RASAL2: variants seen among roughly 807,000 people sequenced by gnomAD.
RASAL2 encodes RAS protein activator like 2.
Under a neutral mutation model 128.9 loss-of-function variants are expected in RASAL2, and 58 were observed. That is an observed-to-expected ratio of 0.45 (90% confidence interval 0.36 to 0.56). The LOEUF is 0.56. RASAL2 is among the 20% of genes least tolerant of loss of function. The probability of loss-of-function intolerance (pLI) is 0.00; values close to 1 mark genes in which losing one functional copy is unlikely to be tolerated. For synonymous variants in RASAL2, 561 were observed against 580.8 expected, an observed-to-expected ratio of 0.97 and a Z score of 0.49; for missense variants, 1,360 against 1,601.6, an observed-to-expected ratio of 0.85 and a Z score of 2.57.
intron 1 of RASAL2, among the ~76,000 whole-genome samples, chr1:178,179,719 G>A (rs921314708): frequency 6.6e-6 from 1 of 152,066 alleles, no homozygotes; most frequent in African/African-American, 2.4e-5. Flanking sequence ...GATAATAATG[G>A]CTACCACAAC....
intron 1 of RASAL2, among the ~76,000 whole-genome samples, chr1:178,188,426 G>C (rs1291952446): frequency 6.6e-6 from 1 of 151,986 alleles, no homozygotes; most frequent in African/African-American, 2.4e-5. Flanking sequence ...ACAGTCCTGT[G>C]CTCTGTTGTC....
rs1677628176 is a variant in RASAL2 at position 178,454,535 on chromosome 1, T to A, written c.2098T>A (p.Ser700Thr). The change falls in exon 12 of 18, where the codon TCT becomes ACT. Residue 700 changes from serine to threonine, a missense_variant. Physicochemically the swap from Ser to Thr is moderately conservative, Grantham distance 58. Coordinates refer to ENST00000367649, the MANE Select transcript of RASAL2 (RefSeq NM_170692.4). Reference protein sequence around the residue: ...GGMKRFLLEISNPDTISNTPG... With the variant: ...GGMKRFLLEITNPDTISNTPG... ...AATGAAGCGCTTTCTTTTGGAGATC[T>A]CTAATCCAGACACCATCTCAAACAC... 7 of 1,613,796 alleles carry A rather than the reference T, an allele frequency of 4.3e-6. No individual in the cohort carries two copies. Among genetic ancestry groups the A allele is most frequent in the Non-Finnish European group, 5.1e-6 (6 of 1,179,692 alleles).
At chr1:178,255,875 A>G (rs1482073311) in intron 1 of RASAL2, among the ~76,000 whole-genome samples, 3 of 152,226 alleles carry the variant, frequency 2.0e-5, no homozygotes, top group Non-Finnish European at 4.4e-5. Flanking sequence ...AAAGGATTAC[A>G]CAATCCAATC....
intron 1 of RASAL2, among the ~76,000 whole-genome samples, chr1:178,229,450 A>G (rs2102018860): frequency 6.6e-6 from 1 of 152,152 alleles, no homozygotes; most frequent in East Asian, 1.9e-4. Context: ...ACATTTTTGA[A>G]GCAAGGAGGA....
chr1:178,283,754 AG>A lies in RASAL2; in HGVS notation c.330+64del, dbSNP rs1666896637. On this transcript the variant is annotated intron_variant, in intron 2 of 17. Coordinates refer to ENST00000367649, the MANE Select transcript of RASAL2 (RefSeq NM_170692.4). ...TCTGAGTAAATTCCTGAAATTACCTAGTTTTTGTTTGCATTTTGAAAAGTTG... is the reference window on the plus strand; with the variant it reads ...TCTGAGTAAATTCCTGAAATTACCTATTTTTGTTTGCATTTTGAAAAGTTG... 7 of 1,585,702 alleles carry A rather than the reference AG, an allele frequency of 4.4e-6. No homozygotes were observed. In the Admixed American group the frequency reaches 1.0e-4, roughly 24 times the overall value.
chr1:178,119,571 TC>T (rs1473630515), intron 1 of RASAL2, among the ~76,000 whole-genome samples: 1 of 152,218 alleles, frequency 6.6e-6, no homozygotes, highest in Non-Finnish European at 1.5e-5. Flanking sequence ...AGTCACTCCA[TC>T]CTTGCATATA....
Position 178,470,948 on chromosome 1 carries a change from T to C in RASAL2, c.3679-2127T>C, listed in dbSNP as rs536267052. 2.2e-4 allele frequency among the ~76,000 whole-genome samples: 34 copies of C among 152,314 alleles called. 1 individual carries two copies. Among genetic ancestry groups the C allele is most frequent in the Admixed American group, 5.9e-4 (9 of 15,308 alleles). On this transcript the variant is annotated intron_variant, in intron 17 of 17. Coordinates refer to ENST00000367649, the MANE Select transcript of RASAL2 (RefSeq NM_170692.4). ...AAGTCTCTATTTGATTTTTTTTAAC[T>C]TTTTTGTTTTATTTTGAGAGGTTGG...
chr1:178,187,322 T>C (rs1662338837), intron 1 of RASAL2, among the ~76,000 whole-genome samples: 1 of 152,220 alleles, frequency 6.6e-6, no homozygotes, highest in Admixed American at 6.5e-5. Flanking sequence ...ACTGTTCTAT[T>C]CATCAAGTAA....
chr1:178,386,191 C>G (rs908808051), intron 3 of RASAL2, among the ~76,000 whole-genome samples: 2 of 152,156 alleles, frequency 1.3e-5, no homozygotes, highest in Non-Finnish European at 2.9e-5. Flanking sequence ...ATTTCTTTGC[C>G]ACACTTTCCA....
intron 1 of RASAL2, among the ~76,000 whole-genome samples, chr1:178,176,291 G>A (rs1486321715): frequency 1.3e-5 from 2 of 152,068 alleles, no homozygotes; most frequent in African/African-American, 4.8e-5. Context: ...ATATCTCCTT[G>A]TGGTTTTAAA....
At chr1:178,265,382 C>T (rs1665899209) in intron 1 of RASAL2, among the ~76,000 whole-genome samples, 1 of 152,136 alleles carries the variant, frequency 6.6e-6, no homozygotes, top group South Asian at 2.1e-4. Flanking sequence ...CCTCAGCCTC[C>T]CAAATAGCTG....
chr1:178,175,053 A>C (rs1022073537), intron 1 of RASAL2, among the ~76,000 whole-genome samples: 1 of 152,170 alleles, frequency 6.6e-6, no homozygotes, highest in African/African-American at 2.4e-5. Flanking sequence ...TTTTAGAACT[A>C]ATGTCACTGA....
Position 178,451,561 on chromosome 1 carries a change from C to T in RASAL2, c.1628-10C>T. 2 of 1,612,216 alleles carry T rather than the reference C, an allele frequency of 1.2e-6. No individual in the cohort carries two copies. Among genetic ancestry groups the T allele is most frequent in the Middle Eastern group, 1.7e-4 (1 of 6,046 alleles). On this transcript the variant is annotated splice_polypyrimidine_tract_variant and intron_variant, in intron 9 of 17. Coordinates refer to ENST00000367649, the MANE Select transcript of RASAL2 (RefSeq NM_170692.4). The stretch of plus-strand genomic sequence containing the variant: ...TTATAGCTATACCGTTATCTTCTCT[C>T]TTCAAATAGGGGAGTTTATCAAAGC...
At chr1:178,466,155 G>GTTAT in intron 16 of RASAL2, 33 bp downstream of exon 16, 1 of 1,509,604 alleles carries the variant, frequency 6.6e-7, no homozygotes, top group Non-Finnish European at 8.8e-7. Context: ...ATGTGGGCTA[G>GTTAT]TTAGCAAGAC....
intron 1 of RASAL2, among the ~76,000 whole-genome samples, chr1:178,108,992 A>C (rs529974660): frequency 6.6e-6 from 1 of 152,156 alleles, no homozygotes. Context: ...CTTTTTTTCT[A>C]TAAAAGCATG....
At chr1:178,201,818 G>T (rs1397840896) in intron 1 of RASAL2, among the ~76,000 whole-genome samples, 1 of 152,196 alleles carries the variant, frequency 6.6e-6, no homozygotes, top group African/African-American at 2.4e-5. Flanking sequence ...TTCAGGTCAA[G>T]TGGACAGAAA....
At chr1:178,222,394 G>A (rs1176373021) in intron 1 of RASAL2, among the ~76,000 whole-genome samples, 1 of 151,562 alleles carries the variant, frequency 6.6e-6, no homozygotes, top group Non-Finnish European at 1.5e-5. Context: ...TTGTTTCTTA[G>A]CATGTCAGTT....
chr1:178,437,356 CAG>C (rs1402873240), intron 5 of RASAL2, among the ~76,000 whole-genome samples: 1 of 152,032 alleles, frequency 6.6e-6, no homozygotes, highest in Non-Finnish European at 1.5e-5. Flanking sequence ...GTCTTCTAAA[CAG>C]AGAGTTGTTT....
intron 3 of RASAL2, among the ~76,000 whole-genome samples, chr1:178,379,474 A>C (rs778696938): frequency 6.6e-6 from 1 of 152,194 alleles, no homozygotes; most frequent in Non-Finnish European, 1.5e-5. Flanking sequence ...TCAGTAGTTT[A>C]AAATCTACCA....
Sources: gnomAD v4.1 joint callset for allele counts (sites outside exome capture counted in the v4.1 genomes callset) on GRCh38, gnomAD v4.1.1 for gene constraint, MANE v1.5 for transcripts, NCBI Gene and HGNC (gene_info 2026-07-23, HGNC 2026-07-21) for gene names.